The following EMC1 variants were observed in gnomAD, a reference collection of about 807,000 sequenced individuals.
EMC1 encodes the protein ER membrane protein complex subunit 1.
EMC1 carries 103 observed loss-of-function variants against 128.8 expected under a neutral mutation model. That is an observed-to-expected ratio of 0.80 (90% confidence interval 0.68 to 0.94). EMC1 has a LOEUF of 0.94. Among genes scored for constraint, EMC1 ranks in the 40% least tolerant of loss-of-function variants. The probability of loss-of-function intolerance (pLI) is 0.00; values close to 1 mark genes in which losing one functional copy is unlikely to be tolerated. For synonymous variants in EMC1, 442 were observed against 490.4 expected (o/e 0.90, Z 1.30); for missense variants, 1,083 against 1,250.6 (o/e 0.87, Z 2.02).
intron 13 of EMC1, chr1:19,234,238 T>C: frequency 1.0e-6 from 1 of 972,394 alleles, no homozygotes; most frequent in Non-Finnish European, 1.2e-6. Context: ...AATCCTCAGC[T>C]TAAGAAAATG....
At position 19,242,325 on chromosome 1, in the gene EMC1, C is replaced by CT. The variant is rs1553254185; in HGVS notation, c.509+19dup. 1.9e-6 allele frequency: 3 copies of CT among 1,614,092 alleles called. No homozygotes were observed. The highest frequency in any genetic ancestry group is 2.5e-6 in the Non-Finnish European group (3 of 1,179,960). ...GAGAGTAGAACGAGGCAGCTATTGC[C>CT]TGTGAGCAGGCAGCCTTACCTTTCT... On this transcript the variant is annotated intron_variant, in intron 5 of 22. Coordinates refer to ENST00000477853, the MANE Select transcript of EMC1 (RefSeq NM_015047.3).
chr1:19,244,212 C>T (rs2093621231), intron 2 of EMC1, among the ~76,000 whole-genome samples, 197 bp from the exon 3 acceptor site: 1 of 152,178 alleles, frequency 6.6e-6, no homozygotes, highest in Admixed American at 6.5e-5. Context: ...GGGGCCACTA[C>T]TGTCCAGGCC....
rs762244697 is a variant in EMC1 at position 19,242,364 on chromosome 1, C to T, written c.490G>A (p.Val164Met). ...HHLSSGHLKW[V>M]EHLPESDSIH... ...CCTTACCTTTCTGGGAGATGTTCCA[C>T]CCACTTGAGGTGCCCACTGGAGAGG... is the stretch of plus-strand genomic sequence containing the variant. The change falls in exon 5 of 23, where the codon GTG (valine) becomes ATG (methionine). Residue 164 changes from valine to methionine, a missense_variant. Physicochemically the swap from Val to Met is conservative, Grantham distance 21. Transcript: ENST00000477853. 2 of 1,614,192 alleles carry T rather than the reference C, an allele frequency of 1.2e-6. No individual in the cohort carries two copies. The highest frequency in any genetic ancestry group is 8.5e-7 in the Non-Finnish European group (1 of 1,180,028).
chr1:19,244,934 T>C lies in EMC1; in HGVS notation c.192A>G (p.Ala64=), dbSNP rs2093625232. 1.9e-6 allele frequency: 3 copies of C among 1,613,912 alleles called. No individual in the cohort carries two copies. The highest frequency in any genetic ancestry group is 2.5e-6 in the Non-Finnish European group (3 of 1,179,844). The change falls in exon 2 of 23, where the codon GCA becomes GCG. Residue 64 remains alanine, a synonymous_variant. Coordinates refer to ENST00000477853, the MANE Select transcript of EMC1 (RefSeq NM_015047.3). ...LVVATEKNVI[A]ALNSRTGEIL... is the part of the protein sequence containing the mutation. ...TCTCCCCAGTTCGGGAATTTAATGC[T>C]GCAATCACATTCTTCTCTGTGGCTA...
At chr1:19,232,473 C>T (rs1486993495) in intron 15 of EMC1, 151 bp downstream of exon 15, 4 of 887,102 alleles carry the variant, frequency 4.5e-6, no homozygotes, top group African/African-American at 3.3e-5. Flanking sequence ...ATGGTTCCTC[C>T]ACCCATGCAT....
In EMC1 at chr1:19,219,551, G is replaced by A. The variant is rs763072595; in HGVS notation, c.2802+18C>T. ...GATCCACCAAGGGTGAAATAGGGCA[G>A]CTGTGGGCTCTACTCACCAAACAAG... On this transcript the variant is annotated intron_variant, in intron 22 of 22. Transcript: ENST00000477853. 4.3e-6 allele frequency: 7 copies of A among 1,614,062 alleles called. No homozygotes were observed. Among genetic ancestry groups the A allele is most frequent in the Non-Finnish European group, 5.9e-6 (7 of 1,179,964 alleles).
At chr1:19,226,323 TA>T (rs1396794133) in intron 18 of EMC1, among the ~76,000 whole-genome samples, 2 of 152,010 alleles carry the variant, frequency 1.3e-5, no homozygotes, top group Non-Finnish European at 2.9e-5. Flanking sequence ...CTACCACTAG[TA>T]ATAAGAGCTG....
intron 4 of EMC1, among the ~76,000 whole-genome samples, 179 bp downstream of exon 4, chr1:19,243,435 A>T (rs1282036605): frequency 1.6e-4 from 25 of 152,192 alleles, no homozygotes; most frequent in Admixed American, 1.6e-3. Flanking sequence ...CTCTGCATCT[A>T]ACAGGCGCTC....
chr1:19,246,344 C>G (rs1270298027), intron 1 of EMC1, among the ~76,000 whole-genome samples: 1 of 152,046 alleles, frequency 6.6e-6, no homozygotes, highest in South Asian at 2.1e-4. Flanking sequence ...GATCCAAGAT[C>G]GTGTCACTGA....
intron 13 of EMC1, among the ~76,000 whole-genome samples, 182 bp downstream of exon 13, chr1:19,234,948 A>G (rs1365440040): frequency 1.3e-5 from 2 of 152,204 alleles, no homozygotes; most frequent in Non-Finnish European, 2.9e-5. Context: ...TTCACAGAAA[A>G]GAATGGTTTC....
chr1:19,225,645 C>CA (rs1156626591), intron 18 of EMC1, among the ~76,000 whole-genome samples: 5 of 149,290 alleles, frequency 3.3e-5, no homozygotes, highest in East Asian at 2.0e-4. Flanking sequence ...GACTCCATCT[C>CA]AAAAAAAAAG....
chr1:19,215,707 G>C lies in EMC1; in HGVS notation c.*3596C>G, dbSNP rs1366415243. 1 of 152,140 alleles carries C rather than the reference G, an allele frequency of 6.6e-6. No homozygotes were observed. The highest frequency in any genetic ancestry group is 1.5e-5 in the Non-Finnish European group (1 of 68,024). 9.4% of individuals were successfully genotyped at this position (152,140 alleles called of 1,614,324 possible). A position where few individuals can be genotyped will look rare whatever the true frequency, so the allele number is the denominator to read the frequency against. On this transcript the variant is annotated 3_prime_UTR_variant, in exon 23 of 23. Coordinates refer to ENST00000477853, the MANE Select transcript of EMC1 (RefSeq NM_015047.3). Reference sequence around the variant, plus strand: ...TTTCATTTTATTTATTTTTGAGACAGGGTCTCACTGTGTTGCCCAGACTGG... The same window carrying C: ...TTTCATTTTATTTATTTTTGAGACACGGTCTCACTGTGTTGCCCAGACTGG...
chr1:19,237,899 T>C, intron 11 of EMC1, 118 bp downstream of exon 11: 1 of 1,325,736 alleles, frequency 7.5e-7, no homozygotes, highest in East Asian at 2.5e-5. Context: ...CAGAGAGCAC[T>C]AGAACACATG....
chr1:19,249,519 C>T (rs192039874), intron 1 of EMC1, among the ~76,000 whole-genome samples: 1 of 152,304 alleles, frequency 6.6e-6, no homozygotes, highest in African/African-American at 2.4e-5. Flanking sequence ...TAGGCTAAAC[C>T]ATCTAGATTT....
At position 19,240,012 on chromosome 1, in the gene EMC1, T is replaced by C. The variant is rs373970073; in HGVS notation, c.787-27A>G. ...TGGAAGGCAAGAAGGAGGAGGATTA[T>C]GGCTAACAGCTGACGACTCCCTGAC... On this transcript the variant is annotated intron_variant, in intron 7 of 22. Coordinates refer to ENST00000477853, the MANE Select transcript of EMC1 (RefSeq NM_015047.3). The C allele has an allele frequency of 4.3e-5, 69 of 1,598,520 alleles. No homozygotes were observed. The African/African-American group carries it at 7.5e-4, about 17-fold the overall frequency.
In EMC1 at chr1:19,219,002, G is replaced by C. The variant is rs201296374; in HGVS notation, c.*301C>G. 4 of 208,196 alleles carry C rather than the reference G, an allele frequency of 1.9e-5. No individual in the cohort carries two copies. The highest frequency in any genetic ancestry group is 3.6e-5 in the Non-Finnish European group (4 of 112,190). The allele number at this position is 208,196 out of a possible 1,614,324, so 12.9% of individuals were successfully genotyped here. On this transcript the variant is annotated 3_prime_UTR_variant, in exon 23 of 23. Coordinates refer to ENST00000477853, the MANE Select transcript of EMC1 (RefSeq NM_015047.3). ...AATTCTTATTAAAAAAAACAAAACA[G>C]AACATTCATGGATGGGCAAAGAAAG...
intron 1 of EMC1, among the ~76,000 whole-genome samples, chr1:19,249,007 A>G (rs928809524): frequency 6.6e-6 from 1 of 152,128 alleles, no homozygotes; most frequent in Non-Finnish European, 1.5e-5. Flanking sequence ...TGCCTGGGGA[A>G]CATAGCAAGA....
At chr1:19,248,283 G>A (rs565111670) in intron 1 of EMC1, among the ~76,000 whole-genome samples, 17 of 152,192 alleles carry the variant, frequency 1.1e-4, no homozygotes, top group Admixed American at 9.8e-4. Flanking sequence ...CTACAGCCAC[G>A]ACCTCCCAGG....
intron 15 of EMC1, 26 bp downstream of exon 15, chr1:19,232,598 G>GACTTGAGTGTGACTTGAGCCACA: frequency 6.2e-7 from 1 of 1,613,514 alleles, no homozygotes; most frequent in Non-Finnish European, 8.5e-7. Flanking sequence ...ACTGAGTCTG[G>GACTTGAGTGTGACTTGAGCCACA]CTCAAGTCAG....
Sources: allele counts gnomAD v4.1 joint callset (sites outside exome capture counted in the v4.1 genomes callset), GRCh38; gene constraint gnomAD v4.1.1; transcripts MANE v1.5; gene names NCBI Gene and HGNC (gene_info 2026-07-23, HGNC 2026-07-21).